BMPER: variants seen among roughly 807,000 people sequenced by gnomAD.
BMPER encodes the protein BMP binding endothelial regulator, also known as BMP-binding endothelial regulator protein.
Under a neutral mutation model 87.3 loss-of-function variants are expected in BMPER, and 45 were observed. The observed-to-expected ratio is 0.52, with a 90% CI of 0.41 to 0.66. The LOEUF is 0.66. BMPER is among the 30% of genes least tolerant of loss of function. BMPER has a pLI of 0.00. For missense variants in BMPER, 784 were observed against 867.5 expected (o/e 0.90, Z 1.21); for synonymous variants, 326 against 316.2 (o/e 1.03, Z -0.33).
intron 6 of BMPER, among the ~76,000 whole-genome samples, chr7:34,029,918 C>T (rs1234103002): frequency 6.6e-6 from 1 of 151,902 alleles, no homozygotes; most frequent in Non-Finnish European, 1.5e-5. Flanking sequence ...TATAAATATT[C>T]CAGAAATGCC....
chr7:34,078,134 T>TGA (rs1394884264), intron 11 of BMPER, among the ~76,000 whole-genome samples: 1 of 152,224 alleles, frequency 6.6e-6, no homozygotes, highest in Non-Finnish European at 1.5e-5. Context: ...TTTGAATTAA[T>TGA]GATATTTCAG....
chr7:33,966,853 T>C (rs1183862130), intron 4 of BMPER, among the ~76,000 whole-genome samples: 1 of 152,260 alleles, frequency 6.6e-6, no homozygotes, highest in African/African-American at 2.4e-5. Context: ...GGAAAATTCA[T>C]GTCTTCCTGT....
intron 13 of BMPER, among the ~76,000 whole-genome samples, chr7:34,129,630 G>GAGAAAGAAAGGAAAGAAAGAA: frequency 1.8e-5 from 1 of 56,308 alleles, no homozygotes; most frequent in South Asian, 8.9e-4. Flanking sequence ...GAGAGAAAGA[G>GAGAAAGAAAGGAAAGAAAGAA]AGAAAGAAAG....
chr7:33,989,755 C>T (rs374276161), intron 6 of BMPER, among the ~76,000 whole-genome samples: 7 of 152,076 alleles, frequency 4.6e-5, no homozygotes, highest in African/African-American at 1.2e-4. Flanking sequence ...TTAGGTCTAA[C>T]GTTTAAGTCT....
At chr7:34,108,201 A>T (rs754153395) in intron 13 of BMPER, among the ~76,000 whole-genome samples, 1 of 152,154 alleles carries the variant, frequency 6.6e-6, no homozygotes, top group Non-Finnish European at 1.5e-5. Context: ...GTTAATGGAG[A>T]TTGTTTGTCT....
rs1310910140 is a variant in BMPER, at chr7:34,017,966, CAA to C, written c.577-28325_577-28324del. 7.9e-3 allele frequency among the ~76,000 whole-genome samples: 638 copies of C among 80,350 alleles called. 7 individuals carry two copies. Among genetic ancestry groups the C allele is most frequent in the African/African-American group, 0.024 (558 of 23,340 alleles). 52.7% of individuals were successfully genotyped at this position (80,350 alleles called of 152,430 possible). ...TCCACCAAAAATACTTAAACTTGTC[CAA>C]AAAAAAAAAAAAAACAAAACCCGTA... is the stretch of plus-strand genomic sequence containing the variant. On this transcript the variant is annotated intron_variant, in intron 6 of 14. Coordinates refer to ENST00000649409, the MANE Select transcript of BMPER (RefSeq NM_001365308.1).
chr7:33,905,499 C>CA (rs1783785723), upstream of BMPER: 50 of 1,407,706 alleles, frequency 3.6e-5, 2 homozygotes, highest in South Asian at 6.1e-4. Flanking sequence ...CTCCCTCCTT[C>CA]GCGGACGGTC....
intron 5 of BMPER, 133 bp from the exon 6 acceptor site, chr7:33,974,569 A>G (rs941715600): frequency 1.6e-5 from 14 of 894,960 alleles, no homozygotes; most frequent in African/African-American, 3.3e-5. Context: ...CTATGCAGCA[A>G]TCTTGTCCAC....
chr7:33,946,376 A>G (rs541065909), intron 3 of BMPER, among the ~76,000 whole-genome samples: 6 of 152,320 alleles, frequency 3.9e-5, no homozygotes, highest in African/African-American at 1.4e-4. Context: ...CTAGCAGGCA[A>G]GGAATCAGGG....
At position 33,928,537 on chromosome 7, in the gene BMPER, G is replaced by T. The variant is rs1002775661; in HGVS notation, c.220-8752G>T. Reference sequence around the variant, plus strand: ...TCAAAATATGATTAAACAGAATGAGGAGCTGTTTGACACTGCCCTGTTTTA... The same window carrying T: ...TCAAAATATGATTAAACAGAATGAGTAGCTGTTTGACACTGCCCTGTTTTA... On this transcript the variant is annotated intron_variant, in intron 2 of 14. Coordinates refer to ENST00000649409, the MANE Select transcript of BMPER (RefSeq NM_001365308.1). Among the ~76,000 whole-genome samples the T allele has an allele frequency of 4.7e-5, 7 of 150,188 alleles. 1 individual carries two copies. Among genetic ancestry groups the T allele is most frequent in the Admixed American group, 3.3e-4 (5 of 15,018 alleles).
chr7:33,990,134 T>G (rs1026743933), intron 6 of BMPER, among the ~76,000 whole-genome samples: 6 of 146,494 alleles, frequency 4.1e-5, no homozygotes, highest in Non-Finnish European at 9.0e-5. Flanking sequence ...TTAAAGTAGT[T>G]TTTTCCAATT....
At chr7:34,114,612 G>T (rs933785759) in intron 13 of BMPER, among the ~76,000 whole-genome samples, 3 of 152,198 alleles carry the variant, frequency 2.0e-5, no homozygotes, top group Non-Finnish European at 4.4e-5. Flanking sequence ...AAATGTCATT[G>T]CAAACTGTGA....
At chr7:33,919,561 T>C (rs1340544889) in intron 2 of BMPER, among the ~76,000 whole-genome samples, 2 of 152,106 alleles carry the variant, frequency 1.3e-5, no homozygotes, top group Admixed American at 1.3e-4. Context: ...AGTGCTCAGG[T>C]TAGGTGGGGA....
At chr7:34,067,077 A>G (rs1788612517) in intron 11 of BMPER, among the ~76,000 whole-genome samples, 1 of 152,220 alleles carries the variant, frequency 6.6e-6, no homozygotes, top group Non-Finnish European at 1.5e-5. Flanking sequence ...CCGAGCACAG[A>G]TGTGCATTTA....
At chr7:34,125,755 TTATTCATTCAA>T (rs1221478403) in intron 13 of BMPER, among the ~76,000 whole-genome samples, 34 of 152,244 alleles carry the variant, frequency 2.2e-4, no homozygotes, top group Non-Finnish European at 4.0e-4. Context: ...ATGTGTTGAA[TTATTCATTCAA>T]TATTCATTCA....
intron 6 of BMPER, among the ~76,000 whole-genome samples, chr7:34,008,912 G>A (rs1786807670): frequency 6.6e-6 from 1 of 151,892 alleles, no homozygotes; most frequent in Admixed American, 6.6e-5. Flanking sequence ...TGCAATCATA[G>A]CTCACTGTAA....
Position 34,052,483 on chromosome 7 carries a change from T to C in BMPER, c.786+513T>C, listed in dbSNP as rs1040634298. ...AGGCAACCAGAAGTCTAATTACTGC[T>C]AAAGAAAGAATTCCACAGCTTCAGA... On this transcript the variant is annotated intron_variant, in intron 8 of 14. Transcript: ENST00000649409. Among the ~76,000 whole-genome samples the C allele has an allele frequency of 5.3e-5, 8 of 152,320 alleles. No homozygotes were observed. In the East Asian group the frequency reaches 9.6e-4, roughly 18 times the overall value.
intron 6 of BMPER, among the ~76,000 whole-genome samples, chr7:34,001,673 A>T (rs1357848794): frequency 2.0e-5 from 3 of 151,226 alleles, no homozygotes; most frequent in African/African-American, 7.3e-5. Flanking sequence ...TCTCGATTTC[A>T]CATATTGCCA....
chr7:34,059,853 AG>A (rs1240820165), intron 10 of BMPER, among the ~76,000 whole-genome samples: 5 of 151,798 alleles, frequency 3.3e-5, no homozygotes, highest in Admixed American at 3.3e-4. Flanking sequence ...TTGTGGAAGA[AG>A]GGTTTTATGA....
Sources: allele counts gnomAD v4.1 joint callset (sites outside exome capture counted in the v4.1 genomes callset), GRCh38; gene constraint gnomAD v4.1.1; transcripts MANE v1.5; gene names NCBI Gene and HGNC (gene_info 2026-07-23, HGNC 2026-07-21).